Variants in CDK8 observed in about 807,000 individuals in gnomAD.
CDK8 encodes the protein cyclin dependent kinase 8, also known as cyclin-dependent kinase 8.
CDK8 carries 29 observed loss-of-function variants against 71.5 expected under a neutral mutation model. The ratio of observed to expected loss-of-function variants is 0.41; its 90% confidence interval spans 0.30 to 0.55. The LOEUF (loss-of-function observed/expected upper bound fraction) is 0.55. Ranked by LOEUF, CDK8 falls within the 20% of genes least tolerant of loss-of-function variation. The pLI is 0.37. For synonymous variants in CDK8, 161 were observed against 192.1 expected, an observed-to-expected ratio of 0.84 and a Z score of 1.34; for missense variants, 288 against 572.6, an observed-to-expected ratio of 0.50 and a Z score of 5.07.
intron 5 of CDK8, among the ~76,000 whole-genome samples, chr13:26,383,361 C>T (rs1230888308): frequency 1.3e-5 from 2 of 152,282 alleles, no homozygotes; most frequent in East Asian, 1.9e-4. Flanking sequence ...AAGACTGTCT[C>T]GTAGTAGGCC....
In CDK8 at chr13:26,397,165, C is replaced by T. The variant is rs1305465203; in HGVS notation, c.873C>T (p.Cys291=). Residue 291 remains cysteine (C), a synonymous_variant, in exon 9 of 13, where the codon TGC becomes TGT. Transcript: ENST00000381527. ...ATTTCTCTTTCAGGTATACCAACTG[C>T]AGCCTTATCAAGTATATGGAAAAAC... The part of the protein sequence containing the change: ...KDFRRNTYTN[C]SLIKYMEKHK... 1.3e-6 allele frequency: 2 copies of T among 1,586,116 alleles called. No homozygotes were observed. The highest frequency in any genetic ancestry group is 1.1e-5 in the South Asian group (1 of 89,774).
At chr13:26,310,414 A>G (rs950289859) in intron 1 of CDK8, among the ~76,000 whole-genome samples, 1 of 152,066 alleles carries the variant, frequency 6.6e-6, no homozygotes, top group African/African-American at 2.4e-5. Context: ...GTGGTTTTGG[A>G]TGATTCTAGT....
chr13:26,353,567 C>T (rs1392081390), intron 3 of CDK8, among the ~76,000 whole-genome samples, 173 bp from the exon 4 acceptor site: 1 of 151,858 alleles, frequency 6.6e-6, no homozygotes, highest in Non-Finnish European at 1.5e-5. Context: ...GAATTTTAGC[C>T]CCAGTTATTA....
At chr13:26,317,760 T>C (rs1021285288) in intron 1 of CDK8, among the ~76,000 whole-genome samples, 5 of 151,880 alleles carry the variant, frequency 3.3e-5, no homozygotes, top group Non-Finnish European at 7.4e-5. Flanking sequence ...AATGAAAACA[T>C]AACATACCAA....
At chr13:26,274,580 C>T (rs1223438444) in intron 1 of CDK8, among the ~76,000 whole-genome samples, 1 of 151,780 alleles carries the variant, frequency 6.6e-6, no homozygotes, top group South Asian at 2.1e-4. Context: ...TACAGGCGCC[C>T]GCCACCACGC....
intron 8 of CDK8, among the ~76,000 whole-genome samples, chr13:26,396,710 T>C (rs1453245396): frequency 6.6e-6 from 1 of 152,144 alleles, no homozygotes; most frequent in African/African-American, 2.4e-5. Context: ...CAATCTAGGT[T>C]ACAGTAATTT....
At chr13:26,350,182 A>G (rs920999255) in intron 3 of CDK8, among the ~76,000 whole-genome samples, 9 of 152,210 alleles carry the variant, frequency 5.9e-5, no homozygotes, top group Non-Finnish European at 1.0e-4. Flanking sequence ...TCCCTTCATT[A>G]AGTGATGCAT....
intron 1 of CDK8, among the ~76,000 whole-genome samples, chr13:26,261,753 T>C (rs1185894387): frequency 6.6e-6 from 1 of 152,254 alleles, no homozygotes; most frequent in African/African-American, 2.4e-5. Flanking sequence ...AAATGAATAA[T>C]GCTTCGATAA....
At chr13:26,309,179 A>G (rs1565966412) in intron 1 of CDK8, among the ~76,000 whole-genome samples, 1 of 147,004 alleles carries the variant, frequency 6.8e-6, no homozygotes, top group East Asian at 2.0e-4. Context: ...TTGCTCTTTC[A>G]CCCAGGCTGG....
rs375529047 is a variant in CDK8, at chr13:26,371,833, G to T, written c.457-10981G>T. ...GGGTTTCACCATGTTGGTCAGGCTGGTCTCGAAATCCTGACCTCAAGTTAT... is the reference window on the plus strand; with the variant it reads ...GGGTTTCACCATGTTGGTCAGGCTGTTCTCGAAATCCTGACCTCAAGTTAT... On this transcript the variant is annotated intron_variant, in intron 4 of 12. Coordinates refer to ENST00000381527, the MANE Select transcript of CDK8 (RefSeq NM_001260.3). Among the ~76,000 whole-genome samples, 14 of 152,150 alleles carry T rather than the reference G, an allele frequency of 9.2e-5. No individual in the cohort carries two copies. The East Asian group carries it at 2.5e-3, about 27-fold the overall frequency.
chr13:26,336,727 T>C (rs1434953762), intron 1 of CDK8, among the ~76,000 whole-genome samples: 2 of 152,046 alleles, frequency 1.3e-5, no homozygotes, highest in African/African-American at 4.8e-5. Context: ...CTAATTGTTT[T>C]GTATTTTTAG....
intron 1 of CDK8, among the ~76,000 whole-genome samples, chr13:26,318,275 G>T (rs1306624436): frequency 6.6e-6 from 1 of 151,830 alleles, no homozygotes; most frequent in African/African-American, 2.4e-5. Context: ...TACAACTAAG[G>T]AGATTGAATC....
At chr13:26,306,262 G>A (rs1874035145) in intron 1 of CDK8, among the ~76,000 whole-genome samples, 1 of 152,084 alleles carries the variant, frequency 6.6e-6, no homozygotes, top group Non-Finnish European at 1.5e-5. Context: ...TGGCATTAGT[G>A]GTTTCTGGAC....
At chr13:26,330,358 A>G (rs1171816341) in intron 1 of CDK8, among the ~76,000 whole-genome samples, 1 of 152,042 alleles carries the variant, frequency 6.6e-6, no homozygotes, top group South Asian at 2.1e-4. Context: ...GCTGTGCACC[A>G]CCATGCCTGA....
intron 1 of CDK8, among the ~76,000 whole-genome samples, chr13:26,286,855 G>A (rs1254832987): frequency 3.9e-5 from 6 of 152,022 alleles, no homozygotes; most frequent in African/African-American, 1.5e-4. Flanking sequence ...TGAATAGACA[G>A]TTCTCAAAAG....
chr13:26,283,569 C>T (rs1240602878), intron 1 of CDK8, among the ~76,000 whole-genome samples: 1 of 150,746 alleles, frequency 6.6e-6, no homozygotes, highest in Non-Finnish European at 1.5e-5. Context: ...GATCGTGCCA[C>T]TGCACCCCAG....
intron 1 of CDK8, among the ~76,000 whole-genome samples, chr13:26,303,877 T>C (rs534538985): frequency 5.9e-5 from 9 of 152,308 alleles, no homozygotes; most frequent in Non-Finnish European, 1.3e-4. Context: ...TAAATATTAC[T>C]TTGTCTGTTA....
intron 3 of CDK8, among the ~76,000 whole-genome samples, chr13:26,352,726 T>C (rs1873734232): frequency 6.6e-6 from 1 of 152,240 alleles, no homozygotes; most frequent in Admixed American, 6.5e-5. Context: ...TGCTACACTT[T>C]ACCTTCTCGT....
chr13:26,268,011 C>T (rs1872107663), intron 1 of CDK8, among the ~76,000 whole-genome samples: 1 of 152,156 alleles, frequency 6.6e-6, no homozygotes, highest in African/African-American at 2.4e-5. Context: ...CAGATCACTG[C>T]AAGCAGGTCA....
Sources: gnomAD v4.1 joint callset for allele counts (sites outside exome capture counted in the v4.1 genomes callset) on GRCh38, gnomAD v4.1.1 for gene constraint, MANE v1.5 for transcripts, NCBI Gene and HGNC (gene_info 2026-07-23, HGNC 2026-07-21) for gene names.